HS3ST5: variants seen among roughly 807,000 people sequenced by gnomAD.
The protein encoded by HS3ST5 is heparan sulfate-glucosamine 3-sulfotransferase 5, also known as heparan sulfate glucosamine 3-O-sulfotransferase 5.
Under a neutral mutation model 25.4 loss-of-function variants are expected in HS3ST5, and 10 were observed. The observed-to-expected ratio is 0.39, with a 90% CI of 0.24 to 0.67. The LOEUF is 0.67. Among genes scored for constraint, HS3ST5 ranks in the 30% least tolerant of loss-of-function variants. The pLI, the probability that HS3ST5 is intolerant of heterozygous loss-of-function variation, is 0.44. For synonymous variants in HS3ST5, 170 were observed against 162.4 expected, an observed-to-expected ratio of 1.05 and a Z score of -0.36; for missense variants, 324 against 420.7, an observed-to-expected ratio of 0.77 and a Z score of 2.01.
chr6:114,268,550 C>T (rs1773508699), intron 1 of HS3ST5, among the ~76,000 whole-genome samples: 1 of 152,182 alleles, frequency 6.6e-6, no homozygotes, highest in Non-Finnish European at 1.5e-5. Flanking sequence ...GACCAATTAT[C>T]ATTCTTCTTT....
chr6:114,233,806 GGATCTTCAGA>G (rs1245367094), intron 1 of HS3ST5, among the ~76,000 whole-genome samples: 1 of 152,104 alleles, frequency 6.6e-6, no homozygotes, highest in African/African-American at 2.4e-5. Context: ...AAGAACAAAA[GGATCTTCAGA>G]GATTCAAAAG....
At chr6:114,313,969 T>A (rs1775645535) in intron 1 of HS3ST5, among the ~76,000 whole-genome samples, 2 of 152,182 alleles carry the variant, frequency 1.3e-5, no homozygotes, top group Non-Finnish European at 2.9e-5. Flanking sequence ...TCTGTTGCCC[T>A]GGCTGGAGGG....
intron 1 of HS3ST5, among the ~76,000 whole-genome samples, chr6:114,271,588 G>T (rs879923348): frequency 3.3e-5 from 5 of 151,834 alleles, no homozygotes; most frequent in African/African-American, 1.2e-4. Context: ...CAAAAATCTA[G>T]TTTATTTATT....
At chr6:114,067,316 G>A (rs1346964930) in intron 3 of HS3ST5, among the ~76,000 whole-genome samples, 1 of 152,206 alleles carries the variant, frequency 6.6e-6, no homozygotes, top group Non-Finnish European at 1.5e-5. Flanking sequence ...GCTTTTGCAT[G>A]TAGGGGTGAG....
chr6:114,115,974 A>G (rs1220224338), intron 3 of HS3ST5: 1 of 152,140 alleles, frequency 6.6e-6, no homozygotes, highest in Non-Finnish European at 1.5e-5. Flanking sequence ...ATTAACAATG[A>G]GCAGTTATTT....
chr6:114,239,750 ACT>A (rs1772017942), intron 1 of HS3ST5, among the ~76,000 whole-genome samples: 1 of 152,040 alleles, frequency 6.6e-6, no homozygotes, highest in Admixed American at 6.6e-5. Flanking sequence ...AGACTGCCTA[ACT>A]CTGAGATCCC....
At chr6:114,273,936 G>A (rs1336369355) in intron 1 of HS3ST5, among the ~76,000 whole-genome samples, 5 of 151,958 alleles carry the variant, frequency 3.3e-5, no homozygotes, top group Admixed American at 3.3e-4. Context: ...GAGAAGTAGG[G>A]CAAAGAAGAA....
chr6:114,149,277 C>T (rs1351368413), intron 3 of HS3ST5, among the ~76,000 whole-genome samples: 1 of 152,168 alleles, frequency 6.6e-6, no homozygotes, highest in African/African-American at 2.4e-5. Context: ...AAGACACATG[C>T]ACACACATGT....
chr6:114,123,079 G>A (rs774920377), intron 3 of HS3ST5, among the ~76,000 whole-genome samples: 4 of 152,066 alleles, frequency 2.6e-5, no homozygotes, highest in African/African-American at 4.8e-5. Context: ...CAGCCTTTCC[G>A]AGTAGCTGGG....
At chr6:114,074,464 TC>T (rs1774004682) in intron 3 of HS3ST5, among the ~76,000 whole-genome samples, 1 of 152,164 alleles carries the variant, frequency 6.6e-6, no homozygotes, top group Admixed American at 6.5e-5. Flanking sequence ...ATCAGGCCTT[TC>T]CCAAGTTCCC....
At chr6:114,256,421 C>T (rs996231322) in intron 1 of HS3ST5, among the ~76,000 whole-genome samples, 1 of 151,894 alleles carries the variant, frequency 6.6e-6, no homozygotes, top group African/African-American at 2.4e-5. Flanking sequence ...AAACTGAATG[C>T]TTTTAACAGC....
intron 3 of HS3ST5, among the ~76,000 whole-genome samples, chr6:114,075,646 T>A (rs1461952294): frequency 6.6e-6 from 1 of 152,172 alleles, no homozygotes; most frequent in Non-Finnish European, 1.5e-5. Flanking sequence ...ATGTGCCTGA[T>A]TCTGCAGCCA....
chr6:114,327,089 C>T (rs1776203605), intron 1 of HS3ST5, among the ~76,000 whole-genome samples: 1 of 152,184 alleles, frequency 6.6e-6, no homozygotes, highest in Non-Finnish European at 1.5e-5. Flanking sequence ...AAGCTCCTGA[C>T]ATTTTTTTCT....
At chr6:114,121,346 C>A (rs1776775754) in intron 3 of HS3ST5, among the ~76,000 whole-genome samples, 1 of 152,108 alleles carries the variant, frequency 6.6e-6, no homozygotes, top group South Asian at 2.1e-4. Flanking sequence ...CTAGGACGTC[C>A]AAAAGACAGG....
chr6:114,263,550 C>T (rs958806411), intron 1 of HS3ST5, among the ~76,000 whole-genome samples: 8 of 152,176 alleles, frequency 5.3e-5, no homozygotes, highest in African/African-American at 1.9e-4. Flanking sequence ...TTTCTGCCAA[C>T]CTTATTTTAG....
intron 2 of HS3ST5, among the ~76,000 whole-genome samples, chr6:114,212,742 G>C (rs1290667439): frequency 6.6e-6 from 1 of 152,178 alleles, no homozygotes; most frequent in South Asian, 2.1e-4. Flanking sequence ...CAGTAGGTTA[G>C]TAAGAGCCTT....
At chr6:114,200,910 C>T (rs992972717) in intron 2 of HS3ST5, among the ~76,000 whole-genome samples, 8 of 152,130 alleles carry the variant, frequency 5.3e-5, no homozygotes, top group African/African-American at 1.7e-4. Flanking sequence ...TGCTCCATAA[C>T]CAGTACTATT....
At chr6:114,281,975 G>A (rs1408115889) in intron 1 of HS3ST5, 3 of 151,858 alleles carry the variant, frequency 2.0e-5, no homozygotes, top group Admixed American at 1.3e-4. Context: ...AAAAACAACT[G>A]GGATTTTTGA....
At chr6:114,320,647 T>C (rs548517213) in intron 1 of HS3ST5, among the ~76,000 whole-genome samples, 22 of 152,082 alleles carry the variant, frequency 1.4e-4, no homozygotes, top group South Asian at 6.2e-4. Flanking sequence ...ATAAATGTAA[T>C]GAGAAAGGGT....
Sources: gnomAD v4.1 joint callset for allele counts (sites outside exome capture counted in the v4.1 genomes callset) on GRCh38, gnomAD v4.1.1 for gene constraint, MANE v1.5 for transcripts, NCBI Gene and HGNC (gene_info 2026-07-23, HGNC 2026-07-21) for gene names.